ADAM32: variants seen among roughly 807,000 people sequenced by gnomAD.
ADAM32 encodes the protein disintegrin and metalloproteinase domain-containing protein 32.
A neutral mutation model predicts 114.9 loss-of-function variants in ADAM32; 89 were observed. That is an observed-to-expected ratio of 0.77 (90% confidence interval 0.65 to 0.92). The LOEUF (loss-of-function observed/expected upper bound fraction) is 0.92, where lower values mean the gene tolerates loss of function less well. Among genes scored for constraint, ADAM32 ranks in the 40% least tolerant of loss-of-function variants. The pLI is 0.00. For missense variants in ADAM32, 870 were observed against 932.8 expected (o/e 0.93, Z 0.88); for synonymous variants, 285 against 307.5 (o/e 0.93, Z 0.77).
intron 17 of ADAM32, among the ~76,000 whole-genome samples, chr8:39,250,012 T>C (rs1192485579): frequency 6.6e-6 from 1 of 152,140 alleles, no homozygotes; most frequent in Non-Finnish European, 1.5e-5. Flanking sequence ...TTTGTCTTTA[T>C]CTTTGATTTT....
chr8:39,241,236 G>A (rs767949552), intron 16 of ADAM32, among the ~76,000 whole-genome samples: 4 of 152,222 alleles, frequency 2.6e-5, no homozygotes, highest in East Asian at 1.9e-4. Context: ...GACTTTGCAG[G>A]GTATAGCCTC....
intron 19 of ADAM32, among the ~76,000 whole-genome samples, chr8:39,268,218 G>A (rs1177889580): frequency 6.6e-6 from 1 of 152,170 alleles, no homozygotes; most frequent in Admixed American, 6.5e-5. Flanking sequence ...AGCCACTAGT[G>A]TATGAGAGTT....
chr8:39,151,838 TAGAGACAGAGTCTCTACAAAAA>T (rs1323334318), intron 6 of ADAM32, among the ~76,000 whole-genome samples: 2 of 151,552 alleles, frequency 1.3e-5, no homozygotes, highest in African/African-American at 4.8e-5. Flanking sequence ...TAATTTTTTG[TAGAGACAGAGTCTCTACAAAAA>T]AGAGACAGAC....
intron 12 of ADAM32, 125 bp from the exon 13 acceptor site, chr8:39,221,485 T>TG: frequency 1.4e-6 from 1 of 696,396 alleles, no homozygotes; most frequent in Non-Finnish European, 2.4e-6. Flanking sequence ...TTAAAACCTG[T>TG]AACTATCAGC....
At chr8:39,128,828 T>A (rs1802265566) in intron 2 of ADAM32, among the ~76,000 whole-genome samples, 1 of 152,218 alleles carries the variant, frequency 6.6e-6, no homozygotes, top group Admixed American at 6.5e-5. Flanking sequence ...TCTATAAGAA[T>A]GTTGAATATT....
chr8:39,142,169 G>T (rs866710758), intron 3 of ADAM32, among the ~76,000 whole-genome samples: 1 of 152,296 alleles, frequency 6.6e-6, no homozygotes, highest in South Asian at 2.1e-4. Context: ...TTGCCAGTCT[G>T]TGTCTTTTAA....
At chr8:39,165,429 G>T in intron 9 of ADAM32, 1 of 351,432 alleles carries the variant, frequency 2.8e-6, no homozygotes, top group Non-Finnish European at 5.0e-6. Flanking sequence ...AGTTTCAAGA[G>T]GTTAAGCCAT....
At chr8:39,203,900 T>G (rs1162553925) in intron 11 of ADAM32, among the ~76,000 whole-genome samples, 2 of 152,184 alleles carry the variant, frequency 1.3e-5, no homozygotes, top group Non-Finnish European at 2.9e-5. Flanking sequence ...AAGCTTAGTT[T>G]GGCTGGATAT....
intron 2 of ADAM32, among the ~76,000 whole-genome samples, chr8:39,135,623 T>A (rs781665482): frequency 3.5e-4 from 54 of 152,200 alleles, no homozygotes; most frequent in Non-Finnish European, 1.8e-4. Context: ...GTCCATTTTG[T>A]TCCGGGATCC....
At position 39,283,574 on chromosome 8, in the gene ADAM32, T is replaced by C. The variant is rs1200752831; in HGVS notation, c.2319-12T>C. 1 of 1,588,792 alleles carries C rather than the reference T, an allele frequency of 6.3e-7. No homozygotes were observed. Among genetic ancestry groups the C allele is most frequent in the South Asian group, 1.1e-5 (1 of 87,912 alleles). On this transcript the variant is annotated splice_polypyrimidine_tract_variant and intron_variant, in intron 23 of 24. Transcript: ENST00000379907. ...ATATCAGCCTAAAAATGTTATTTCC[T>C]TATTTCCTTAGATCCAAATCACAGG...
At position 39,169,932 on chromosome 8, in the gene ADAM32, C is replaced by G; in HGVS notation, c.850C>G (p.Arg284Gly). The G allele has an allele frequency of 6.3e-7, 1 of 1,595,122 alleles. No homozygotes were observed. Among genetic ancestry groups the G allele is most frequent in the Non-Finnish European group, 8.6e-7 (1 of 1,166,936 alleles). ...AYLLIYMDYP[R>G]YLGAVFPGTM... Reference sequence around the variant, plus strand: ...TTTATTTAGTTATATGGATTATCCTCGTTATTTGGGAGCAGTGTTTCCTGG... The same window carrying G: ...TTTATTTAGTTATATGGATTATCCTGGTTATTTGGGAGCAGTGTTTCCTGG... Residue 284 changes from arginine to glycine, a missense_variant, in exon 10 of 25, where the codon CGT becomes GGT. Transcript: ENST00000379907.
At chr8:39,171,851 C>G (rs1805222496) in intron 10 of ADAM32, among the ~76,000 whole-genome samples, 1 of 150,680 alleles carries the variant, frequency 6.6e-6, no homozygotes, top group Non-Finnish European at 1.5e-5. Flanking sequence ...TATGTAATAT[C>G]TATATATATG....
At chr8:39,253,342 G>A (rs893297506) in intron 17 of ADAM32, among the ~76,000 whole-genome samples, 2 of 151,536 alleles carry the variant, frequency 1.3e-5, no homozygotes, top group African/African-American at 4.8e-5. Flanking sequence ...AATAATGAAC[G>A]CCTTTACTTT....
chr8:39,257,424 G>A (rs1440791090), intron 19 of ADAM32, 81 bp downstream of exon 19: 1 of 1,482,978 alleles, frequency 6.7e-7, no homozygotes, highest in Non-Finnish European at 9.1e-7. Context: ...ACGAGCAGTA[G>A]CAATACTTTA....
intron 11 of ADAM32, among the ~76,000 whole-genome samples, chr8:39,197,810 C>T (rs889083744): frequency 5.3e-5 from 8 of 152,056 alleles, no homozygotes; most frequent in Non-Finnish European, 1.0e-4. Context: ...TGAAATCTTC[C>T]ATATATATCT....
At chr8:39,178,741 G>A (rs74433041) in intron 10 of ADAM32, among the ~76,000 whole-genome samples, 4,138 of 152,156 alleles carry the variant, frequency 0.027, 85 homozygotes, top group Non-Finnish European at 0.041. Flanking sequence ...TATTGTTGTG[G>A]CTTTCTGTTT....
intron 12 of ADAM32, 161 bp from the exon 13 acceptor site, chr8:39,221,449 A>G (rs1040738673): frequency 5.1e-6 from 3 of 592,828 alleles, no homozygotes; most frequent in East Asian, 2.9e-5. Flanking sequence ...AAAGTCCTAC[A>G]TTAGTGTTTT....
rs79353063 is a variant in ADAM32, at chr8:39,164,778, C to T, written c.609C>T (p.Gly203=). 3.7e-5 allele frequency: 60 copies of T among 1,600,738 alleles called. No individual in the cohort carries two copies. The highest frequency in any genetic ancestry group is 5.0e-5 in the Non-Finnish European group (59 of 1,172,886). The change falls in exon 8 of 25, where the codon GGC becomes GGT. Residue 203 remains glycine (G), a synonymous_variant. Coordinates refer to ENST00000379907, the MANE Select transcript of ADAM32 (RefSeq NM_145004.7). ...CTGTTTTTCAGTATGATTACTGGGG[C>T]TCTGATAGCATGATAGTAACAAATA... ...VVDKTLYDYW[G]SDSMIVTNKV... is the part of the protein sequence containing the mutation.
At chr8:39,132,385 A>G (rs76202646) in intron 2 of ADAM32, among the ~76,000 whole-genome samples, 2 of 152,288 alleles carry the variant, frequency 1.3e-5, no homozygotes, top group East Asian at 3.9e-4. Flanking sequence ...ATCATGATTT[A>G]CTTTAGATTA....
Sources: gnomAD v4.1 joint callset for allele counts (sites outside exome capture counted in the v4.1 genomes callset) on GRCh38, gnomAD v4.1.1 for gene constraint, MANE v1.5 for transcripts, NCBI Gene and HGNC (gene_info 2026-07-23, HGNC 2026-07-21) for gene names.